The following METTL9 variants were observed in gnomAD, a reference collection of about 807,000 sequenced individuals.
METTL9 encodes methyltransferase 9, His-X-His N1(pi)-histidine.
A neutral mutation model predicts 36.0 loss-of-function variants in METTL9; 10 were observed. The observed-to-expected ratio is 0.28, with a 90% CI of 0.17 to 0.47. The LOEUF is 0.47. METTL9 is among the 20% of genes least tolerant of loss of function. METTL9 has a pLI of 0.99. For missense variants in METTL9, 246 were observed against 383.5 expected (o/e 0.64, Z 3.00); for synonymous variants, 175 against 149.7 (o/e 1.17, Z -1.23).
At chr16:21,644,209 C>T in intron 4 of METTL9, 1 of 1,040,796 alleles carries the variant, frequency 9.6e-7, no homozygotes, top group South Asian at 1.3e-5. Context: ...AGGCCCATAA[C>T]TTGTGGAGAG....
chr16:21,645,255 C>T (rs768900190), intron 4 of METTL9, among the ~76,000 whole-genome samples: 1 of 152,142 alleles, frequency 6.6e-6, no homozygotes, highest in Non-Finnish European at 1.5e-5. Context: ...GAGTTTGACA[C>T]CAGCCTGGCC....
intron 4 of METTL9, chr16:21,641,680 A>G (rs1363267257): frequency 8.3e-6 from 6 of 726,250 alleles, no homozygotes; most frequent in Admixed American, 2.7e-5. Context: ...CCACTGGGCC[A>G]TCTTGGATTC....
intron 4 of METTL9, chr16:21,652,388 A>C: frequency 1.8e-6 from 1 of 544,956 alleles, no homozygotes; most frequent in Non-Finnish European, 3.1e-6. Flanking sequence ...TCTCAGGGGA[A>C]AAAGGAAACT....
chr16:21,646,246 T>G (rs1966426130), intron 4 of METTL9: 1 of 152,148 alleles, frequency 6.6e-6, no homozygotes, highest in African/African-American at 2.4e-5. Flanking sequence ...ATGTTTGATG[T>G]CCTCGCTCGG....
intron 1 of METTL9, among the ~76,000 whole-genome samples, chr16:21,605,257 CTTTTTTTTTTTTTTTTTTTTTTTTTTTT>C (rs3046231): frequency 2.0e-5 from 1 of 51,204 alleles, no homozygotes; most frequent in African/African-American, 6.4e-5. Context: ...GGCTTGCCTT[CTTTTTTTTTTTTTTTTTTTTTTTTTTTT>C]TTTTTTTTTT....
chr16:21,644,289 C>G (rs1966360888), intron 4 of METTL9: 1 of 1,597,964 alleles, frequency 6.3e-7, no homozygotes, highest in South Asian at 1.1e-5. Context: ...ATTTGACTTA[C>G]TTTGGAGAGG....
chr16:21,600,161 G>A (rs1965078883), intron 1 of METTL9, among the ~76,000 whole-genome samples: 1 of 152,084 alleles, frequency 6.6e-6, no homozygotes, highest in South Asian at 2.1e-4. Flanking sequence ...TGAGCGGCCC[G>A]GAGCCCCGCA....
intron 3 of METTL9, among the ~76,000 whole-genome samples, chr16:21,619,901 C>T (rs767893192): frequency 6.6e-6 from 1 of 152,154 alleles, no homozygotes; most frequent in Non-Finnish European, 1.5e-5. Flanking sequence ...TGTAATCACT[C>T]ACTTTCCTAT....
intron 3 of METTL9, among the ~76,000 whole-genome samples, chr16:21,618,621 T>C (rs1262651361): frequency 1.3e-5 from 2 of 152,202 alleles, no homozygotes; most frequent in Non-Finnish European, 2.9e-5. Context: ...AGGAATTATA[T>C]ACATTAGCTC....
intron 4 of METTL9, chr16:21,627,069 G>A (rs1355323038): frequency 1.0e-6 from 1 of 985,296 alleles, no homozygotes; most frequent in Non-Finnish European, 1.2e-6. Context: ...GCAGACCTGA[G>A]ACAAGAAGCC....
chr16:21,642,950 G>T (rs1225584332), intron 4 of METTL9: 98 of 604,488 alleles, frequency 1.6e-4, no homozygotes, highest in Non-Finnish European at 1.5e-5. Context: ...ATACATTCTT[G>T]TGAAAGTTCT....
chr16:21,605,021 AT>A (rs1325805132), intron 1 of METTL9, among the ~76,000 whole-genome samples: 1 of 152,094 alleles, frequency 6.6e-6, no homozygotes, highest in Non-Finnish European at 1.5e-5. Context: ...CAAATATATT[AT>A]CCCCAGTAGT....
Position 21,599,695 on chromosome 16 carries a change from G to A in METTL9, c.-39G>A, listed in dbSNP as rs1332780403. 2 of 1,441,544 alleles carry A rather than the reference G, an allele frequency of 1.4e-6. No individual in the cohort carries two copies. Among genetic ancestry groups the A allele is most frequent in the East Asian group, 3.0e-5 (1 of 32,952 alleles). The allele number at this position is 1,441,544 out of a possible 1,614,324, so 89.3% of individuals were successfully genotyped here. A position where few individuals can be genotyped will look rare whatever the true frequency, so the allele number is the denominator to read the frequency against. On this transcript the variant is annotated 5_prime_UTR_variant, in exon 1 of 5. Coordinates refer to ENST00000358154, the MANE Select transcript of METTL9 (RefSeq NM_016025.5). This position sits in a 1 kb window ranked among gnomAD's most constrained non-coding sequence, Gnocchi z 4.4. ...GGCGGTGCCTCCTCCTCCTCGCCCC[G>A]GCGCCGGCGGTGATCCGAGCGAGCG...
intron 1 of METTL9, among the ~76,000 whole-genome samples, chr16:21,608,163 A>C (rs1965340839): frequency 1.3e-5 from 2 of 151,840 alleles, no homozygotes; most frequent in African/African-American, 4.8e-5. Context: ...AAAACAAAGA[A>C]CTCACCTGCT....
At chr16:21,619,288 A>G (rs538606887) in intron 3 of METTL9, among the ~76,000 whole-genome samples, 10 of 152,302 alleles carry the variant, frequency 6.6e-5, no homozygotes, top group African/African-American at 1.2e-4. Context: ...CCCACCAGCA[A>G]TGTAGTACAA....
At chr16:21,637,224 A>G (rs1418537278) in intron 4 of METTL9, among the ~76,000 whole-genome samples, 1 of 152,124 alleles carries the variant, frequency 6.6e-6, no homozygotes, top group African/African-American at 2.4e-5. Flanking sequence ...TGATTGGTCC[A>G]TTTTACAGAG....
intron 3 of METTL9, among the ~76,000 whole-genome samples, chr16:21,623,765 TTTTTGTTTTG>T (rs774700629): frequency 6.6e-6 from 1 of 151,940 alleles, no homozygotes; most frequent in African/African-American, 2.4e-5. Context: ...TTCTGTATAG[TTTTTGTTTTG>T]TTTTGTTTTG....
intron 4 of METTL9, among the ~76,000 whole-genome samples, chr16:21,648,659 A>G (rs1301604217): frequency 6.6e-6 from 1 of 152,232 alleles, no homozygotes; most frequent in Non-Finnish European, 1.5e-5. Flanking sequence ...GAGTGCACAA[A>G]TGGAAAGACC....
chr16:21,641,567 G>C (rs555661181), intron 4 of METTL9: 3 of 1,588,384 alleles, frequency 1.9e-6, no homozygotes, highest in Admixed American at 1.7e-5. Context: ...GTACTCTTCT[G>C]TTTTCATAAG....
Sources: allele counts gnomAD v4.1 joint callset (sites outside exome capture counted in the v4.1 genomes callset), GRCh38; gene constraint gnomAD v4.1.1; non-coding constraint Gnocchi (gnomAD v3.1); transcripts MANE v1.5; gene names NCBI Gene and HGNC (gene_info 2026-07-23, HGNC 2026-07-21).